Variants in ALS2CL observed in about 807,000 individuals in gnomAD.
ALS2CL encodes the protein ALS2 C-terminal like, also known as ALS2 C-terminal-like protein.
Under a neutral mutation model 127.9 loss-of-function variants are expected in ALS2CL, and 112 were observed. That is an observed-to-expected ratio of 0.88 (90% CI 0.75 to 1.02). ALS2CL has a LOEUF of 1.02. Ranked by LOEUF, ALS2CL falls within the 50% of genes least tolerant of loss-of-function variation. The probability of loss-of-function intolerance (pLI) is 0.00; values close to 1 mark genes in which losing one functional copy is unlikely to be tolerated. For missense variants in ALS2CL, 1,174 were observed against 1,236.7 expected (o/e 0.95, Z 0.76); for synonymous variants, 519 against 527.6 (o/e 0.98, Z 0.22).
At chr3:46,671,711 T>G (rs1698404255) in intron 24 of ALS2CL, 127 bp from the exon 25 acceptor site, 2 of 1,549,334 alleles carry the variant, frequency 1.3e-6, no homozygotes, top group South Asian at 1.2e-5. Context: ...TCACTCTACC[T>G]CTAGCACCCC....
At position 46,669,682 on chromosome 3, in the gene ALS2CL, C is replaced by T. The variant is rs1698247853; in HGVS notation, c.*1302G>A. ...AGCCCATGCCCTGCATTTGGGCTGG[C>T]ACATTTAGTGGAACCAGCCAGAGAA... On this transcript the variant is annotated 3_prime_UTR_variant, in exon 26 of 26. Transcript: ENST00000318962. The T allele has an allele frequency of 6.6e-6, 1 of 152,210 alleles. No homozygotes were observed. The highest frequency in any genetic ancestry group is 1.5e-5 in the Non-Finnish European group (1 of 68,054). 9.4% of individuals were successfully genotyped at this position (152,210 alleles called of 1,614,324 possible). A position where few individuals can be genotyped will look rare whatever the true frequency, so the allele number is the denominator to read the frequency against.
At chr3:46,679,134 T>C in intron 15 of ALS2CL, 76 bp downstream of exon 15, 1 of 1,437,018 alleles carries the variant, frequency 7.0e-7, no homozygotes. Flanking sequence ...CCCCCAGCCC[T>C]GAGTCTAAGT....
In ALS2CL at chr3:46,670,384, C is replaced by A; in HGVS notation, c.*600G>T. 1 of 153,714 alleles carries A rather than the reference C, an allele frequency of 6.5e-6. No individual in the cohort carries two copies. The highest frequency in any genetic ancestry group is 1.5e-5 in the Non-Finnish European group (1 of 68,956). The allele number at this position is 153,714 out of a possible 1,614,324, so 9.5% of individuals were successfully genotyped here. ...CATCACAGGAGAATGATTTACAAGC[C>A]ACTTGGGGCCTGCTGGCAGTGAGGG... On this transcript the variant is annotated 3_prime_UTR_variant, in exon 26 of 26. Coordinates refer to ENST00000318962, the MANE Select transcript of ALS2CL (RefSeq NM_147129.5). This position sits in a 1 kb window ranked among gnomAD's most constrained non-coding sequence, Gnocchi z 5.5.
intron 1 of ALS2CL, among the ~76,000 whole-genome samples, chr3:46,690,103 G>C (rs2106750883): frequency 6.6e-6 from 1 of 152,350 alleles, no homozygotes; most frequent in South Asian, 2.1e-4. Context: ...TGAGGGCCCA[G>C]CCTCTGAGGG....
At chr3:46,689,587 C>T (rs1575452226) in intron 1 of ALS2CL, 122 bp from the exon 2 acceptor site, 1 of 629,198 alleles carries the variant, frequency 1.6e-6, no homozygotes, top group East Asian at 2.9e-5. Flanking sequence ...GAGCAGTGAG[C>T]CCAGATCGCC....
chr3:46,693,107 G>A (rs1264584141), intron 1 of ALS2CL, among the ~76,000 whole-genome samples: 2 of 152,142 alleles, frequency 1.3e-5, no homozygotes, highest in African/African-American at 2.4e-5. Flanking sequence ...TCTCCCCGCT[G>A]CACCCTTCCT....
At chr3:46,691,373 T>C (rs556589888) in intron 1 of ALS2CL, among the ~76,000 whole-genome samples, 3 of 152,200 alleles carry the variant, frequency 2.0e-5, no homozygotes, top group East Asian at 3.9e-4. Flanking sequence ...TCAGTGCACG[T>C]TGAAAAGATA....
Position 46,670,998 on chromosome 3 carries a change from T to C in ALS2CL, c.2848A>G (p.Arg950Gly), listed in dbSNP as rs1245554132. The change falls in exon 26 of 26, where the codon AGG becomes GGG. Residue 950 changes from arginine to glycine, a missense_variant. Physicochemically the swap from Arg to Gly is moderately radical, Grantham distance 125. Coordinates refer to ENST00000318962, the MANE Select transcript of ALS2CL (RefSeq NM_147129.5). The surrounding 1 kb of genome is among the most constrained non-coding windows in gnomAD (Gnocchi z 5.5). ...GAAAGGCCAGGCTACCAGAGCTCCC[T>C]GGAGTGCCAGTGGCCAGGTAAGCGG... ...LHRLPGHWHS[R>G]ELW 6.2e-7 allele frequency: 1 copy of C among 1,614,112 alleles called. No homozygotes were observed. The highest frequency in any genetic ancestry group is 2.2e-5 in the East Asian group (1 of 44,886).
At chr3:46,690,764 T>C (rs1246732441) in intron 1 of ALS2CL, among the ~76,000 whole-genome samples, 2 of 152,090 alleles carry the variant, frequency 1.3e-5, no homozygotes, top group East Asian at 1.9e-4. Context: ...CAGCCAACGA[T>C]GGGCAGGTGA....
In ALS2CL at chr3:46,681,330, G is replaced by A. The variant is rs753477503; in HGVS notation, c.1352C>T (p.Pro451Leu). The A allele has an allele frequency of 8.1e-6, 13 of 1,613,520 alleles. No homozygotes were observed. The highest frequency in any genetic ancestry group is 1.7e-4 in the Middle Eastern group (1 of 6,058). ...RHGFGVLESGPQAPQPFRYTG... is the reference protein window; with the variant it reads ...RHGFGVLESGLQAPQPFRYTG... ...GTACCTGAAGGGCTGGGGGGCCTGC[G>A]GACCACTCTCAAGGACCCCAAATCC... Residue 451 changes from proline (P) to leucine (L), a missense_variant, in exon 13 of 26, where the codon CCG (proline) becomes CTG (leucine). Coordinates refer to ENST00000318962, the MANE Select transcript of ALS2CL (RefSeq NM_147129.5). The surrounding 1 kb of genome is among the most constrained non-coding windows in gnomAD (Gnocchi z 4.9).
Position 46,686,086 on chromosome 3 carries a change from C to T in ALS2CL, c.666+222G>A, listed in dbSNP as rs1699747966. ...GGAGAGGACTGGTTCTGCTGATTGC[C>T]TCTTCCCTAGGCCGGGTCAGGGCCT... On this transcript the variant is annotated intron_variant, in intron 6 of 25. Transcript: ENST00000318962. The surrounding 1 kb of genome is among the most constrained non-coding windows in gnomAD (Gnocchi z 4.3). Among the ~76,000 whole-genome samples, 2 of 152,208 alleles carry T rather than the reference C, an allele frequency of 1.3e-5. No individual in the cohort carries two copies. Among genetic ancestry groups the T allele is most frequent in the South Asian group, 4.1e-4 (2 of 4,834 alleles).
chr3:46,677,320 G>C, intron 16 of ALS2CL: 1 of 1,238,242 alleles, frequency 8.1e-7, no homozygotes. Flanking sequence ...CCAGAGAGGG[G>C]GTCTTGGTCC....
chr3:46,689,281 T>A, intron 2 of ALS2CL, 57 bp downstream of exon 2: 1 of 1,566,418 alleles, frequency 6.4e-7, no homozygotes, highest in East Asian at 2.3e-5. Context: ...GTAGGTCTCC[T>A]GTCCCTGGGA....
At chr3:46,671,679 C>T in intron 24 of ALS2CL, 95 bp from the exon 25 acceptor site, 1 of 1,589,684 alleles carries the variant, frequency 6.3e-7, no homozygotes, top group South Asian at 1.1e-5. Flanking sequence ...GCCTGGATGG[C>T]TGGACACCTG....
intron 1 of ALS2CL, among the ~76,000 whole-genome samples, chr3:46,692,660 A>G (rs978616770): frequency 3.9e-5 from 6 of 152,244 alleles, no homozygotes; most frequent in African/African-American, 1.4e-4. Context: ...AGCTGTCCTC[A>G]GGCAGCCCTG....
chr3:46,673,739 G>A (rs888497715), intron 21 of ALS2CL, among the ~76,000 whole-genome samples: 5 of 152,106 alleles, frequency 3.3e-5, no homozygotes, highest in Non-Finnish European at 7.4e-5. Flanking sequence ...GTGGGGAAGC[G>A]ACACTGAGGT....
intron 24 of ALS2CL, 35 bp from the exon 25 acceptor site, chr3:46,671,619 G>A (rs1223794857): frequency 1.2e-6 from 2 of 1,613,330 alleles, no homozygotes; most frequent in African/African-American, 2.7e-5. Flanking sequence ...GAGCGAGGGA[G>A]ACAAGGAGAA....
rs1433729839 is a variant in ALS2CL, at chr3:46,681,582, G to A, written c.1192C>T (p.Leu398=). Reference sequence around the variant, plus strand: ...AACTTGTCCTCAGAGGCCTGGGGCAGCAGGCGGATGCCGAAGCTGACAGCA... The same window carrying A: ...AACTTGTCCTCAGAGGCCTGGGGCAACAGGCGGATGCCGAAGCTGACAGCA... ...GLEHGFGIRL[L]PQASEDKFDC... The change falls in exon 12 of 26, where the codon CTG becomes TTG. Residue 398 remains leucine, a synonymous_variant. Transcript: ENST00000318962. This position sits in a 1 kb window ranked among gnomAD's most constrained non-coding sequence, Gnocchi z 4.9. The A allele has an allele frequency of 1.5e-5, 24 of 1,614,150 alleles. No homozygotes were observed. Among genetic ancestry groups the A allele is most frequent in the Non-Finnish European group, 1.9e-5 (23 of 1,179,996 alleles).
At position 46,686,511 on chromosome 3, in the gene ALS2CL, C is replaced by T; in HGVS notation, c.535-72G>A. 1.3e-6 allele frequency: 2 copies of T among 1,544,918 alleles called. No individual in the cohort carries two copies. On this transcript the variant is annotated intron_variant, in intron 5 of 25. Coordinates refer to ENST00000318962, the MANE Select transcript of ALS2CL (RefSeq NM_147129.5). This position sits in a 1 kb window ranked among gnomAD's most constrained non-coding sequence, Gnocchi z 4.3. ...TTCCCTAGCCCAGTCCTGGTCCCGG[C>T]TGGTGGGGAGGCCTGAATCTAGGCC...
Sources: gnomAD v4.1 joint callset for allele counts (sites outside exome capture counted in the v4.1 genomes callset) on GRCh38, gnomAD v4.1.1 for gene constraint, Gnocchi (gnomAD v3.1) non-coding constraint, MANE v1.5 for transcripts, NCBI Gene and HGNC (gene_info 2026-07-23, HGNC 2026-07-21) for gene names.